PDZD2: variants seen among roughly 807,000 people sequenced by gnomAD.
The protein encoded by PDZD2 is PDZ domain-containing protein 2.
PDZD2 carries 90 observed loss-of-function variants against 220.7 expected under a neutral mutation model. The observed-to-expected ratio is 0.41, with a 90% CI of 0.34 to 0.49. PDZD2 has a LOEUF of 0.49. Among genes scored for constraint, PDZD2 ranks in the 20% least tolerant of loss-of-function variants. The probability of loss-of-function intolerance (pLI) is 0.28; values close to 1 mark genes in which losing one functional copy is unlikely to be tolerated. For synonymous variants in PDZD2, 1,375 were observed against 1,450.5 expected (o/e 0.95, Z 1.18); for missense variants, 3,174 against 3,608.5 (o/e 0.88, Z 3.08).
At chr5:32,027,752 G>A (rs1378890118) in intron 6 of PDZD2, among the ~76,000 whole-genome samples, 2 of 152,196 alleles carry the variant, frequency 1.3e-5, no homozygotes, top group Non-Finnish European at 2.9e-5. Flanking sequence ...CAGGCTTCTT[G>A]CTACTTTGTG....
chr5:31,701,865 A>C (rs1052382691), intron 1 of PDZD2, among the ~76,000 whole-genome samples: 1 of 152,206 alleles, frequency 6.6e-6, no homozygotes, highest in African/African-American at 2.4e-5. Context: ...AGATAAATAG[A>C]GCTTTCTGTT....
chr5:31,702,342 C>T (rs928140281), intron 1 of PDZD2, among the ~76,000 whole-genome samples: 3 of 152,152 alleles, frequency 2.0e-5, no homozygotes, highest in Admixed American at 6.6e-5. Context: ...AGCTGTTAAG[C>T]GGTGAAAGAG....
At chr5:31,817,965 ATTTT>A (rs368621112) in intron 2 of PDZD2, among the ~76,000 whole-genome samples, 1,563 of 112,206 alleles carry the variant, frequency 0.014, 20 homozygotes, top group African/African-American at 0.053. Flanking sequence ...CACCTGGCCA[ATTTT>A]TTTTTTTTTT....
chr5:32,085,694 G>T (rs997678717), intron 19 of PDZD2, among the ~76,000 whole-genome samples: 1 of 151,832 alleles, frequency 6.6e-6, no homozygotes, highest in Non-Finnish European at 1.5e-5. Flanking sequence ...TGATCCACCC[G>T]CCTTGGCCTC....
intron 1 of PDZD2, among the ~76,000 whole-genome samples, chr5:31,751,332 G>C (rs1416978387): frequency 2.0e-5 from 3 of 152,056 alleles, no homozygotes; most frequent in Non-Finnish European, 4.4e-5. Context: ...GGAGCAAGGA[G>C]ATCAGTTAAG....
intron 20 of PDZD2, among the ~76,000 whole-genome samples, chr5:32,092,653 T>C (rs900228573): frequency 3.9e-5 from 6 of 152,358 alleles, no homozygotes; most frequent in African/African-American, 1.4e-4. Context: ...AGCTCCAGCA[T>C]TGGTCCCATA....
intron 1 of PDZD2, among the ~76,000 whole-genome samples, chr5:31,676,275 C>G (rs1341703999): frequency 6.6e-6 from 1 of 152,072 alleles, no homozygotes; most frequent in Non-Finnish European, 1.5e-5. Context: ...CAGTATGATC[C>G]CTGTATTTCA....
chr5:31,840,575 G>C, intron 2 of PDZD2: 1 of 710,472 alleles, frequency 1.4e-6, no homozygotes, highest in Non-Finnish European at 2.6e-6. Context: ...TCTCTGCGTG[G>C]AGCAGGCTGG....
chr5:32,028,000 TG>T (rs373637324), intron 6 of PDZD2, among the ~76,000 whole-genome samples: 48 of 152,286 alleles, frequency 3.2e-4, no homozygotes, highest in African/African-American at 1.1e-3. Flanking sequence ...CAGAGCTTCC[TG>T]GGGATTTGGA....
chr5:31,896,213 G>A (rs1330869145), intron 2 of PDZD2, among the ~76,000 whole-genome samples: 2 of 152,060 alleles, frequency 1.3e-5, no homozygotes, highest in Admixed American at 1.3e-4. Context: ...CTGTGAGGTG[G>A]GGTAGAGACT....
intron 2 of PDZD2, among the ~76,000 whole-genome samples, chr5:31,835,314 T>C (rs1198867597): frequency 2.0e-5 from 3 of 152,194 alleles, no homozygotes; most frequent in Non-Finnish European, 4.4e-5. Flanking sequence ...TTCTATTTAA[T>C]GTTTTCAAAA....
chr5:31,681,358 T>C (rs992855203), intron 1 of PDZD2, among the ~76,000 whole-genome samples: 4 of 152,154 alleles, frequency 2.6e-5, no homozygotes, highest in African/African-American at 9.7e-5. Context: ...GCAATTCTCA[T>C]GCCTCAGCTT....
chr5:31,839,581 C>T (rs915569974), intron 2 of PDZD2, among the ~76,000 whole-genome samples: 1 of 152,116 alleles, frequency 6.6e-6, no homozygotes, highest in Non-Finnish European at 1.5e-5. Context: ...GACATGGTGG[C>T]CCACGACTGT....
intron 3 of PDZD2, among the ~76,000 whole-genome samples, chr5:31,990,895 G>A (rs1377286684): frequency 6.6e-6 from 1 of 152,202 alleles, no homozygotes; most frequent in South Asian, 2.1e-4. Context: ...TTGATGTTGG[G>A]TGTCAGAGCA....
intron 14 of PDZD2, 104 bp downstream of exon 14, chr5:32,061,238 AACCTACGG>A (rs1739664886): frequency 1.9e-6 from 2 of 1,052,386 alleles, no homozygotes; most frequent in Non-Finnish European, 2.9e-6. Context: ...ATAGGCAGGC[AACCTACGG>A]GTGGTTCATG....
chr5:32,096,022 C>T (rs1001620406), intron 21 of PDZD2, among the ~76,000 whole-genome samples: 4 of 151,350 alleles, frequency 2.6e-5, no homozygotes, highest in Admixed American at 1.3e-4. Context: ...GGATTACAGG[C>T]GTGAGCCACC....
chr5:32,037,615 C>T (rs1038812938), intron 7 of PDZD2, among the ~76,000 whole-genome samples: 2 of 152,150 alleles, frequency 1.3e-5, no homozygotes, highest in African/African-American at 4.8e-5. Flanking sequence ...GGTTCGTTTA[C>T]TTCGATCAGA....
intron 5 of PDZD2, among the ~76,000 whole-genome samples, chr5:32,008,782 A>G (rs10940991): frequency 0.71 from 107,477 of 152,082 alleles, 43,033 homozygotes; most frequent in Non-Finnish European, 0.9. Flanking sequence ...AGCAGTAGTC[A>G]AAGACTTTAG....
intron 10 of PDZD2, among the ~76,000 whole-genome samples, chr5:32,055,919 T>C (rs1739042389): frequency 6.6e-6 from 1 of 152,210 alleles, no homozygotes; most frequent in South Asian, 2.1e-4. Context: ...TTGAAACTCA[T>C]CCTGCAAGGC....
Sources: gnomAD v4.1 joint callset for allele counts (sites outside exome capture counted in the v4.1 genomes callset) on GRCh38, gnomAD v4.1.1 for gene constraint, MANE v1.5 for transcripts, NCBI Gene and HGNC (gene_info 2026-07-23, HGNC 2026-07-21) for gene names.